RASAL1: variants seen among roughly 807,000 people sequenced by gnomAD.
RASAL1 encodes rasGAP-activating-like protein 1.
RASAL1 carries 72 observed loss-of-function variants against 96.6 expected under a neutral mutation model. That is an observed-to-expected ratio of 0.75 (90% CI 0.62 to 0.91). The LOEUF is 0.91. Among genes scored for constraint, RASAL1 ranks in the 40% least tolerant of loss-of-function variants. The pLI is 0.00. For missense variants in RASAL1, 1,016 were observed against 1,072.5 expected (o/e 0.95, Z 0.74); for synonymous variants, 405 against 430.4 (o/e 0.94, Z 0.73).
chr12:113,114,390 C>A (rs1187004997), intron 12 of RASAL1, among the ~76,000 whole-genome samples: 1 of 151,056 alleles, frequency 6.6e-6, no homozygotes, highest in East Asian at 1.9e-4. Context: ...GGAAAAATTA[C>A]CTGAGCCCGG....
At chr12:113,109,040 T>C (rs11613508) in intron 13 of RASAL1, among the ~76,000 whole-genome samples, 3 of 50,540 alleles carry the variant, frequency 5.9e-5, no homozygotes, top group African/African-American at 2.5e-4. Context: ...TTTTTTTGTG[T>C]GTGTTTTTTT....
chr12:113,111,979 C>G (rs773283537), intron 13 of RASAL1, 107 bp downstream of exon 13: 28 of 996,796 alleles, frequency 2.8e-5, no homozygotes, highest in Admixed American at 2.6e-4. Flanking sequence ...ACAGAATGCT[C>G]TAGTGCCGGC....
intron 20 of RASAL1, 63 bp from the exon 21 acceptor site, chr12:113,100,131 A>T: frequency 6.8e-7 from 1 of 1,476,686 alleles, no homozygotes; most frequent in African/African-American, 1.4e-5. Context: ...TGTAACCCGG[A>T]CCCAATGGTT....
upstream of RASAL1, among the ~76,000 whole-genome samples, chr12:113,136,472 G>A (rs187151688): frequency 3.2e-4 from 48 of 152,288 alleles, no homozygotes; most frequent in Admixed American, 5.9e-4. Flanking sequence ...CCCATTATCC[G>A]CAGTTTATGG....
Position 113,129,201 on chromosome 12 carries a change from A to G in RASAL1, c.123-1023T>C, listed in dbSNP as rs959575097. On this transcript the variant is annotated intron_variant, in intron 2 of 20. Transcript: ENST00000548055. The surrounding 1 kb of genome is among the most constrained non-coding windows in gnomAD (Gnocchi z 5.0). Reference sequence around the variant, plus strand: ...AAGTCCTGGGATTGGGGTTAGCTCAATCGCCCCTGGTTGGGTCGTGGGGGT... The same window carrying G: ...AAGTCCTGGGATTGGGGTTAGCTCAGTCGCCCCTGGTTGGGTCGTGGGGGT... Among the ~76,000 whole-genome samples, 4 of 152,192 alleles carry G rather than the reference A, an allele frequency of 2.6e-5. No homozygotes were observed. Among genetic ancestry groups the G allele is most frequent in the Non-Finnish European group, 5.9e-5 (4 of 68,034 alleles).
chr12:113,114,938 G>T, intron 11 of RASAL1, 26 bp from the exon 12 acceptor site: 2 of 1,578,808 alleles, frequency 1.3e-6, no homozygotes, highest in Non-Finnish European at 1.7e-6. Context: ...ACCACACGGG[G>T]TGGGGCTGAG....
chr12:113,107,271 C>A, intron 14 of RASAL1, 30 bp from the exon 15 acceptor site: 1 of 1,564,488 alleles, frequency 6.4e-7, no homozygotes, highest in Non-Finnish European at 8.7e-7. Context: ...GATGCCGGGG[C>A]CAAGGTCACA....
At chr12:113,103,733 C>T (rs1305759602) in intron 18 of RASAL1, 2 of 653,660 alleles carry the variant, frequency 3.1e-6, no homozygotes, top group Admixed American at 2.8e-5. Context: ...CGCCAAGCAG[C>T]GTCCTATGCT....
rs1419208104 is a variant in RASAL1, at chr12:113,129,862, C to T, written c.122+1023G>A. On this transcript the variant is annotated intron_variant, in intron 2 of 20. Coordinates refer to ENST00000548055, the MANE Select transcript of RASAL1 (RefSeq NM_001301202.2). This position sits in a 1 kb window ranked among gnomAD's most constrained non-coding sequence, Gnocchi z 5.0. Reference sequence around the variant, plus strand: ...CAAAGGTCTTCTGAACATTCCCCAGCTCCTGAGCTGAAAGGCTTCTTACAG... The same window carrying T: ...CAAAGGTCTTCTGAACATTCCCCAGTTCCTGAGCTGAAAGGCTTCTTACAG... 6.6e-6 allele frequency among the ~76,000 whole-genome samples: 1 copy of T among 152,236 alleles called. No individual in the cohort carries two copies. The highest frequency in any genetic ancestry group is 2.4e-5 in the African/African-American group (1 of 41,456).
At chr12:113,128,972 G>GACACACAC (rs35122341) in intron 2 of RASAL1, among the ~76,000 whole-genome samples, 171 of 142,826 alleles carry the variant, frequency 1.2e-3, no homozygotes, top group East Asian at 5.2e-3. Context: ...CACAGTCACT[G>GACACACAC]ACACACACAC....
chr12:113,117,202 C>T, intron 7 of RASAL1, 41 bp from the exon 8 acceptor site: 1 of 1,427,196 alleles, frequency 7.0e-7, no homozygotes, highest in Admixed American at 1.9e-5. Flanking sequence ...GGGCCCTGGC[C>T]TGCCCTGCCC....
chr12:113,112,251 C>T lies in RASAL1; in HGVS notation c.1209G>A (p.Ser403=), dbSNP rs1950894191. The T allele has an allele frequency of 6.3e-6, 8 of 1,264,748 alleles. No homozygotes were observed. Among genetic ancestry groups the T allele is most frequent in the Admixed American group, 3.8e-5 (1 of 26,184 alleles). The allele number at this position is 1,264,748 out of a possible 1,614,324, so 78.3% of individuals were successfully genotyped here. The change falls in exon 13 of 21, where the codon TCG becomes TCA. Residue 403 remains serine, a synonymous_variant. Coordinates refer to ENST00000548055, the MANE Select transcript of RASAL1 (RefSeq NM_001301202.2). ...GGCTGGTCTCCCGCATCTGCTCCTC[C>T]GAGAGTGCGCCTTTGAAGGAGATCC... is the stretch of plus-strand genomic sequence containing the variant. The part of the protein sequence containing the change: ...TRRISFKGAL[S]EEQMRETSLG...
intron 13 of RASAL1, among the ~76,000 whole-genome samples, chr12:113,109,049 T>G (rs1382080917): frequency 4.7e-5 from 7 of 150,132 alleles, no homozygotes; most frequent in Non-Finnish European, 1.0e-4. Flanking sequence ...GTGTGTTTTT[T>G]TTTTTTTTTT....
intron 2 of RASAL1, among the ~76,000 whole-genome samples, chr12:113,128,880 A>T (rs575089231): frequency 3.3e-5 from 5 of 152,234 alleles, no homozygotes; most frequent in Admixed American, 3.3e-4. Context: ...AGACACACTC[A>T]GAGATCCAGA....
At chr12:113,108,609 T>G (rs887220511) in intron 13 of RASAL1, among the ~76,000 whole-genome samples, 1 of 152,134 alleles carries the variant, frequency 6.6e-6, no homozygotes, top group African/African-American at 2.4e-5. Context: ...AAGTCAGGAT[T>G]CAAACCCAGA....
At chr12:113,126,099 A>T (rs1242699313) in intron 4 of RASAL1, among the ~76,000 whole-genome samples, 1 of 151,834 alleles carries the variant, frequency 6.6e-6, no homozygotes, top group African/African-American at 2.4e-5. Flanking sequence ...AGCCCGGCCA[A>T]CATGGTGAAA....
chr12:113,129,124 C>A lies in RASAL1; in HGVS notation c.123-946G>T, dbSNP rs35612573. Among the ~76,000 whole-genome samples the A allele has an allele frequency of 0.013, 1,985 of 152,278 alleles. 34 individuals carry two copies. The highest frequency in any genetic ancestry group is 0.064 in the South Asian group (307 of 4,816). On this transcript the variant is annotated intron_variant, in intron 2 of 20. Transcript: ENST00000548055. The surrounding 1 kb of genome is among the most constrained non-coding windows in gnomAD (Gnocchi z 5.0). ...GTGTCAGGGCTGCTTACCCCACAGA[C>A]CCCCCTTCCACAAGCAGGCGCTCTC...
chr12:113,114,235 G>T (rs1183302393), intron 12 of RASAL1, among the ~76,000 whole-genome samples: 1 of 152,144 alleles, frequency 6.6e-6, no homozygotes, highest in Non-Finnish European at 1.5e-5. Context: ...CACTTCGGGA[G>T]ACCAAGGCAG....
At chr12:113,109,955 C>T (rs547360258) in intron 13 of RASAL1, among the ~76,000 whole-genome samples, 8 of 152,362 alleles carry the variant, frequency 5.3e-5, no homozygotes, top group Non-Finnish European at 7.3e-5. Context: ...TTCCCCGGGC[C>T]GGAGGAAGTC....
Sources: allele counts gnomAD v4.1 joint callset (sites outside exome capture counted in the v4.1 genomes callset), GRCh38; gene constraint gnomAD v4.1.1; non-coding constraint Gnocchi (gnomAD v3.1); transcripts MANE v1.5; gene names NCBI Gene and HGNC (gene_info 2026-07-23, HGNC 2026-07-21).